Variants in OPHN1 observed in about 807,000 individuals in gnomAD.
OPHN1 encodes oligophrenin-1.
OPHN1 carries 11 observed loss-of-function variants against 60.7 expected under a neutral mutation model. That is an observed-to-expected ratio of 0.18 (90% CI 0.11 to 0.30). The LOEUF (loss-of-function observed/expected upper bound fraction) is 0.30. Ranked by LOEUF, OPHN1 falls within the 10% of genes least tolerant of loss-of-function variation. The pLI is 1.00. For missense variants in OPHN1, 449 were observed against 611.0 expected, an observed-to-expected ratio of 0.73 and a Z score of 2.80; for synonymous variants, 226 against 222.6, an observed-to-expected ratio of 1.02 and a Z score of -0.14.
intron 23 of OPHN1, among the ~76,000 whole-genome samples, chrX:68,051,473 G>C (rs1455955339): frequency 9.0e-6 from 1 of 111,552 alleles, no homozygotes; most frequent in African/African-American, 3.3e-5. Context: ...CTGTTTTAGT[G>C]GGTCTAGAAT....
chrX:68,384,423 G>C lies in OPHN1; in HGVS notation c.154+48444C>G, dbSNP rs187281087. 1.8e-4 allele frequency among the ~76,000 whole-genome samples: 20 copies of C among 112,160 alleles called. No individual in the cohort carries two copies. The Admixed American group carries it at 1.9e-3, about 11-fold the overall frequency. ...ATACTACTCAGCCATAAAAAGGAAT[G>C]AAATATTGTCTTTTGGCCGGGCACC... On this transcript the variant is annotated intron_variant, in intron 2 of 24. Transcript: ENST00000355520.
At chrX:68,386,931 G>A (rs2078627272) in intron 2 of OPHN1, among the ~76,000 whole-genome samples, 1 of 111,484 alleles carries the variant, frequency 9.0e-6, no homozygotes, top group African/African-American at 3.3e-5. Flanking sequence ...ACAACACCTT[G>A]TTGCCATCTA....
rs1163192446 is a variant in OPHN1, at chrX:68,393,885, G to GTTTTTTTTTTTTTTTTTTT, written c.154+38963_154+38981dup. ...CTATCAAGGTGATCCAATAGACTTT[G>GTTTTTTTTTTTTTTTTTTT]TTTTTTTTTTTTTTTTTTTTTTTTT... On this transcript the variant is annotated intron_variant, in intron 2 of 24. Coordinates refer to ENST00000355520, the MANE Select transcript of OPHN1 (RefSeq NM_002547.3). Among the ~76,000 whole-genome samples the GTTTTTTTTTTTTTTTTTTT allele has an allele frequency of 8.7e-5, 3 of 34,587 alleles. 1 individual carries two copies. Among genetic ancestry groups the GTTTTTTTTTTTTTTTTTTT allele is most frequent in the East Asian group, 2.4e-3 (2 of 844 alleles). 30.0% of individuals were successfully genotyped at this position (34,587 alleles called of 115,157 possible). A position where few individuals can be genotyped will look rare whatever the true frequency, so the allele number is the denominator to read the frequency against.
chrX:68,109,081 C>T (rs1386118676), intron 18 of OPHN1, among the ~76,000 whole-genome samples: 1 of 110,631 alleles, frequency 9.0e-6, no homozygotes, highest in Non-Finnish European at 1.9e-5. Flanking sequence ...TTCACGGAGC[C>T]GTGCAACTGT....
intron 2 of OPHN1, among the ~76,000 whole-genome samples, chrX:68,425,764 AT>A (rs766061215): frequency 6.9e-4 from 45 of 65,244 alleles, no homozygotes; most frequent in East Asian, 2.1e-3. Context: ...CATCTTTTGG[AT>A]TTTTTTTTTT....
chrX:68,372,150 C>T (rs766422565), intron 2 of OPHN1, among the ~76,000 whole-genome samples: 82 of 112,309 alleles, frequency 7.3e-4, no homozygotes, highest in African/African-American at 2.4e-3. Context: ...ATGCAAAAAG[C>T]AATTCCATGA....
chrX:68,210,446 T>C (rs1410814614), intron 8 of OPHN1, among the ~76,000 whole-genome samples, 164 bp from the exon 9 acceptor site: 1 of 112,212 alleles, frequency 8.9e-6, no homozygotes, highest in South Asian at 3.7e-4. Context: ...AACAAGTTTA[T>C]AGAGTCTAAC....
intron 2 of OPHN1, among the ~76,000 whole-genome samples, chrX:68,426,552 T>TTATATATATATATATATA (rs765336463): frequency 2.5e-3 from 41 of 16,178 alleles, no homozygotes; most frequent in African/African-American, 3.2e-3. Context: ...GACATCTGTT[T>TTATATATATATATATATA]TATATATATA....
intron 18 of OPHN1, among the ~76,000 whole-genome samples, chrX:68,105,251 A>T (rs759267628): frequency 9.0e-6 from 1 of 111,317 alleles, no homozygotes; most frequent in East Asian, 2.9e-4. Context: ...CAGTGTGGTG[A>T]TTCCTCAAGG....
intron 7 of OPHN1, among the ~76,000 whole-genome samples, chrX:68,212,643 A>G (rs1174466977): frequency 8.9e-6 from 1 of 112,544 alleles, no homozygotes; most frequent in Non-Finnish European, 1.9e-5. Context: ...TTTACCCAGT[A>G]TAGCGCTAAA....
intron 15 of OPHN1, among the ~76,000 whole-genome samples, chrX:68,166,303 G>A (rs746094280): frequency 1.8e-5 from 2 of 112,132 alleles, no homozygotes; most frequent in Admixed American, 1.9e-4. Flanking sequence ...GGAGGCTGAG[G>A]CGGGTGGATA....
intron 2 of OPHN1, among the ~76,000 whole-genome samples, chrX:68,374,128 C>T (rs993949173): frequency 3.6e-5 from 4 of 110,361 alleles, no homozygotes; most frequent in East Asian, 2.9e-4. Context: ...GAGGCCAAGG[C>T]GGGCGGATCA....
At chrX:68,077,425 T>C (rs2076957653) in intron 19 of OPHN1, among the ~76,000 whole-genome samples, 2 of 112,002 alleles carry the variant, frequency 1.8e-5, no homozygotes, top group Non-Finnish European at 3.8e-5. Context: ...ACTACATAAA[T>C]ATCTATTAAC....
chrX:68,230,591 A>C (rs2077723273), intron 6 of OPHN1, among the ~76,000 whole-genome samples: 1 of 110,491 alleles, frequency 9.1e-6, no homozygotes, highest in African/African-American at 3.3e-5. Context: ...GCTATAAAAA[A>C]TGATGAGTTC....
intron 15 of OPHN1, among the ~76,000 whole-genome samples, chrX:68,171,439 A>G (rs1056513586): frequency 2.5e-4 from 22 of 88,253 alleles, no homozygotes; most frequent in Non-Finnish European, 3.8e-4. Flanking sequence ...TTAGAAGTCT[A>G]CAGTAAGAAG....
At chrX:68,103,303 A>T (rs1327500244) in intron 18 of OPHN1, among the ~76,000 whole-genome samples, 3 of 112,355 alleles carry the variant, frequency 2.7e-5, no homozygotes, top group Non-Finnish European at 5.6e-5. Flanking sequence ...TAGATGCAGA[A>T]AGGGCCTTTG....
chrX:68,200,946 A>G (rs1430678178), intron 11 of OPHN1, among the ~76,000 whole-genome samples: 1 of 112,290 alleles, frequency 8.9e-6, no homozygotes, highest in Admixed American at 9.5e-5. Context: ...CTTTCTCCAC[A>G]ATAATGCCAA....
intron 1 of OPHN1, 35 bp downstream of exon 1, chrX:68,433,133 A>C: frequency 1.3e-6 from 1 of 771,059 alleles, no homozygotes; most frequent in East Asian, 3.5e-5. Context: ...CGCTTAAGGA[A>C]GCTCATAGCC....
chrX:68,334,719 T>C (rs968090358), intron 2 of OPHN1, among the ~76,000 whole-genome samples: 1 of 111,332 alleles, frequency 9.0e-6, no homozygotes, highest in African/African-American at 3.3e-5. Flanking sequence ...CTCAGACCTG[T>C]AATCCCAGCA....
Sources: gnomAD v4.1 joint callset for allele counts (sites outside exome capture counted in the v4.1 genomes callset) on GRCh38, gnomAD v4.1.1 for gene constraint, MANE v1.5 for transcripts, NCBI Gene and HGNC (gene_info 2026-07-23, HGNC 2026-07-21) for gene names.